Variants in ANKRD66 observed in about 807,000 individuals in gnomAD.
The protein encoded by ANKRD66 is ankyrin repeat domain-containing protein 66.
Under a neutral mutation model 10.9 loss-of-function variants are expected in ANKRD66, and 10 were observed. The ratio of observed to expected loss-of-function variants is 0.91; its 90% CI spans 0.56 to 1.55. The LOEUF (loss-of-function observed/expected upper bound fraction) is 1.55, where lower values mean the gene tolerates loss of function less well. Among genes scored for constraint, ANKRD66 ranks in the 40% most tolerant of loss-of-function variants. The pLI is 0.00. For missense variants in ANKRD66, 252 were observed against 242.9 expected (o/e 1.04, Z -0.25); for synonymous variants, 85 against 88.4 (o/e 0.96, Z 0.22).
At chr6:46,754,015 G>T in intron 4 of ANKRD66, 65 bp downstream of exon 4, 2 of 1,378,442 alleles carry the variant, frequency 1.5e-6, no homozygotes, top group Non-Finnish European at 9.8e-7. Context: ...TCAAGATCTT[G>T]GGTGATTCTG....
intron 4 of ANKRD66, chr6:46,757,843 G>A (rs1233619673): frequency 6.6e-6 from 1 of 152,188 alleles, no homozygotes; most frequent in East Asian, 1.9e-4. Flanking sequence ...CAGATACAGT[G>A]CTGGACATCA....
chr6:46,758,551 A>T, intron 4 of ANKRD66, 172 bp from the exon 5 acceptor site: 1 of 503,230 alleles, frequency 2.0e-6, no homozygotes, highest in Non-Finnish European at 3.3e-6. Context: ...ACCTCCAAGT[A>T]GTTTCTTTAG....
chr6:46,751,131 A>C (rs1766260442), intron 2 of ANKRD66, among the ~76,000 whole-genome samples: 2 of 152,070 alleles, frequency 1.3e-5, no homozygotes, highest in African/African-American at 4.8e-5. Flanking sequence ...ATTTACTCTG[A>C]GTGTGTGGTG....
In ANKRD66 at chr6:46,749,893, C is replaced by A; in HGVS notation, c.-96-3C>A. ...ACGTTTACTTTTCTTTCTCTCCCTC[C>A]AGGGCTGTTCTCACATTTCAATGCA... On this transcript the variant is annotated splice_polypyrimidine_tract_variant and splice_region_variant and intron_variant, in intron 1 of 4. Transcript: ENST00000565422. The A allele has an allele frequency of 6.4e-7, 1 of 1,550,432 alleles. No homozygotes were observed. Among genetic ancestry groups the A allele is most frequent in the South Asian group, 1.2e-5 (1 of 83,930 alleles).
At chr6:46,754,242 T>C (rs1766327210) in intron 4 of ANKRD66, among the ~76,000 whole-genome samples, 1 of 152,220 alleles carries the variant, frequency 6.6e-6, no homozygotes, top group Non-Finnish European at 1.5e-5. Context: ...GCAAGAATCA[T>C]GACCTTCAGC....
Position 46,758,802 on chromosome 6 carries a change from G to A in ANKRD66, c.472G>A (p.Asp158Asn), listed in dbSNP as rs899280702. 2.6e-6 allele frequency: 4 copies of A among 1,551,350 alleles called. No homozygotes were observed. The African/African-American group carries it at 4.1e-5, about 16-fold the overall frequency. The change falls in exon 5 of 5, where the codon GAT becomes AAT. Residue 158 changes from aspartate (D) to asparagine (N), a missense_variant. Asp to Asn is a conservative substitution (Grantham distance 23). Transcript: ENST00000565422. ...LPLDERDEDWDAKKRELELSL... is the reference protein window; with the variant it reads ...LPLDERDEDWNAKKRELELSL... Reference sequence around the variant, plus strand: ...TCTGGATGAGCGTGATGAAGACTGGGATGCCAAGAAAAGGGAGCTGGAGCT... The same window carrying A: ...TCTGGATGAGCGTGATGAAGACTGGAATGCCAAGAAAAGGGAGCTGGAGCT...
chr6:46,751,253 T>A (rs6922629), intron 2 of ANKRD66, among the ~76,000 whole-genome samples: 77,336 of 151,978 alleles, frequency 0.51, 21,993 homozygotes, highest in African/African-American at 0.76. Context: ...CAACACAGTG[T>A]AAAAAGGCCA....
chr6:46,758,656 A>G, intron 4 of ANKRD66, 67 bp from the exon 5 acceptor site: 3 of 1,430,072 alleles, frequency 2.1e-6, no homozygotes, highest in Non-Finnish European at 2.8e-6. Context: ...CTGTGAATAA[A>G]GGCCGATTCC....
In ANKRD66 at chr6:46,759,018, C is replaced by T. The variant is rs1462933826; in HGVS notation, c.*97C>T. 8.0e-7 allele frequency: 1 copy of T among 1,250,030 alleles called. No homozygotes were observed. Among genetic ancestry groups the T allele is most frequent in the African/African-American group, 1.5e-5 (1 of 65,554 alleles). 77.4% of individuals were successfully genotyped at this position (1,250,030 alleles called of 1,614,324 possible). On this transcript the variant is annotated 3_prime_UTR_variant, in exon 5 of 5. Coordinates refer to ENST00000565422, the MANE Select transcript of ANKRD66 (RefSeq NM_001162435.3). ...CTTTCCATGACTTTACTCATAGACC[C>T]TTACCCACCTGGCTTCTGCCCATGG...
At chr6:46,756,064 C>T in intron 4 of ANKRD66, 1 of 448,376 alleles carries the variant, frequency 2.2e-6, no homozygotes. Flanking sequence ...ACTACCTTCT[C>T]TTTCTTCTCC....
chr6:46,758,489 T>A (rs1766422263), intron 4 of ANKRD66: 4 of 387,500 alleles, frequency 1.0e-5, no homozygotes, highest in Middle Eastern at 1.3e-3. Context: ...TCAAGCTGAG[T>A]GACTATCTTT....
At chr6:46,752,157 T>C in intron 3 of ANKRD66, 46 bp downstream of exon 3, 9 of 1,379,184 alleles carry the variant, frequency 6.5e-6, no homozygotes, top group Non-Finnish European at 8.5e-6. Flanking sequence ...GAGTCCACCA[T>C]TCATGAGGCT....
rs140310777 is a variant in ANKRD66 at position 46,751,489 on chromosome 6, T to C, written c.-12-448T>C. 7.2e-5 allele frequency among the ~76,000 whole-genome samples: 11 copies of C among 152,340 alleles called. No homozygotes were observed. The South Asian group carries it at 2.3e-3, about 32-fold the overall frequency. On this transcript the variant is annotated intron_variant, in intron 2 of 4. Transcript: ENST00000565422. ...TGGAGTACCTGCTCTGTATCCAATA[T>C]AATTTTTTTTTGCAAATTGACATTT...
Position 46,752,074 on chromosome 6 carries a change from G to T in ANKRD66, c.126G>T (p.Trp42Cys), listed in dbSNP as rs1205929738. 2 of 1,522,798 alleles carry T rather than the reference G, an allele frequency of 1.3e-6. No homozygotes were observed. Among genetic ancestry groups the T allele is most frequent in the African/African-American group, 2.8e-5 (2 of 70,890 alleles). 94.3% of individuals were successfully genotyped at this position (1,522,798 alleles called of 1,614,324 possible). ...ACCCAAACTACAAAGATGTAGACTG[G>T]AATGACCGGACCCCACTTCACTGGG... ...LCDPNYKDVD[W>C]NDRTPLHWAA... Residue 42 changes from tryptophan to cysteine, a missense_variant, in exon 3 of 5, where the codon TGG (tryptophan) becomes TGT (cysteine). Transcript: ENST00000565422.
intron 3 of ANKRD66, among the ~76,000 whole-genome samples, chr6:46,752,750 C>G (rs550642897): frequency 6.6e-6 from 1 of 152,300 alleles, no homozygotes; most frequent in South Asian, 2.1e-4. Context: ...CTCTCAACCT[C>G]TAACAGGAAT....
chr6:46,748,978 T>G (rs1004934599), intron 1 of ANKRD66, among the ~76,000 whole-genome samples: 9 of 152,232 alleles, frequency 5.9e-5, no homozygotes, highest in Non-Finnish European at 1.3e-4. Flanking sequence ...TTTGCCTATA[T>G]CAGAGGCTAG....
In ANKRD66 at chr6:46,759,181, GC is replaced by G; in HGVS notation, c.*266del. On this transcript the variant is annotated 3_prime_UTR_variant, in exon 5 of 5. Coordinates refer to ENST00000565422, the MANE Select transcript of ANKRD66 (RefSeq NM_001162435.3). Reference sequence around the variant, plus strand: ...GCACAGTCAGCATCTTTTGACCCCTGCCCCCCAACAATAATAGAATTTCAGG... The same window carrying G: ...GCACAGTCAGCATCTTTTGACCCCTGCCCCCAACAATAATAGAATTTCAGG... 1 of 299,044 alleles carries G rather than the reference GC, an allele frequency of 3.3e-6. No homozygotes were observed. Among genetic ancestry groups the G allele is most frequent in the Non-Finnish European group, 6.1e-6 (1 of 163,880 alleles). 18.5% of individuals were successfully genotyped at this position (299,044 alleles called of 1,614,324 possible).
In ANKRD66 at chr6:46,758,882, C is replaced by T; in HGVS notation, c.552C>T (p.Gly184=). ...ATAAAAAGAATAAGAAAAGTCGAGGCCCCACCAGGCCCAGCAATACCAAGG... is the reference window on the plus strand; with the variant it reads ...ATAAAAAGAATAAGAAAAGTCGAGGTCCCACCAGGCCCAGCAATACCAAGG... ...NMNKKNKKSR[G]PTRPSNTKGR... is the part of the protein sequence containing the mutation. The change falls in exon 5 of 5, where the codon GGC becomes GGT. Residue 184 remains glycine (G), a synonymous_variant. Transcript: ENST00000565422. 6.4e-7 allele frequency: 1 copy of T among 1,551,374 alleles called. No individual in the cohort carries two copies. The highest frequency in any genetic ancestry group is 8.7e-7 in the Non-Finnish European group (1 of 1,146,804).
chr6:46,758,734 A>C lies in ANKRD66; in HGVS notation c.404A>C (p.Glu135Ala). ...CTCTTCTTTCCTAGGGCAGAGCCCG[A>C]GTGCCAGGACCACCGTTGCGCTGCC... ...CVAFLEKAEP[E>A]CQDHRCAAQQ... The change falls in exon 5 of 5, where the codon GAG becomes GCG. Residue 135 changes from glutamate (E) to alanine (A), a missense_variant. Coordinates refer to ENST00000565422, the MANE Select transcript of ANKRD66 (RefSeq NM_001162435.3). 6.5e-7 allele frequency: 1 copy of C among 1,548,510 alleles called. No individual in the cohort carries two copies.
Sources: allele counts gnomAD v4.1 joint callset (sites outside exome capture counted in the v4.1 genomes callset), GRCh38; gene constraint gnomAD v4.1.1; transcripts MANE v1.5; gene names NCBI Gene and HGNC (gene_info 2026-07-23, HGNC 2026-07-21).